HIVEP2: variants seen among roughly 807,000 people sequenced by gnomAD.
The protein encoded by HIVEP2 is transcription factor HIVEP2.
HIVEP2 carries 14 observed loss-of-function variants against 180.7 expected under a neutral mutation model. That is an observed-to-expected ratio of 0.08 (90% CI 0.05 to 0.12). The LOEUF (loss-of-function observed/expected upper bound fraction) is 0.12, where lower values mean the gene tolerates loss of function less well. Ranked by LOEUF, HIVEP2 falls within the 10% of genes least tolerant of loss-of-function variation. The probability of loss-of-function intolerance (pLI) is 1.00; values close to 1 mark genes in which losing one functional copy is unlikely to be tolerated. For missense variants in HIVEP2, 2,579 were observed against 3,008.5 expected, an observed-to-expected ratio of 0.86 and a Z score of 3.34; for synonymous variants, 1,184 against 1,136.4, an observed-to-expected ratio of 1.04 and a Z score of -0.84.
In HIVEP2 at chr6:142,760,540, T is replaced by TTCA. The variant is rs749252608; in HGVS notation, c.5745_5747dup (p.Asp1915dup). The TTCA allele has an allele frequency of 1.2e-5, 19 of 1,613,486 alleles. No homozygotes were observed. Among genetic ancestry groups the TTCA allele is most frequent in the Non-Finnish European group, 1.4e-5 (17 of 1,179,452 alleles). ...CCTGGTCGTCAAAGTCATCTTCATC[T>TTCA]TCATCATCATCATCATTATCATCTC... is the stretch of plus-strand genomic sequence containing the variant. On this transcript the variant is annotated inframe_insertion, in exon 9 of 10. Coordinates refer to ENST00000367603, the MANE Select transcript of HIVEP2 (RefSeq NM_006734.4).
At chr6:142,887,059 A>G (rs752780469) in intron 1 of HIVEP2, among the ~76,000 whole-genome samples, 114 of 152,200 alleles carry the variant, frequency 7.5e-4, no homozygotes, top group Admixed American at 1.1e-3. Flanking sequence ...CTAGTTGATC[A>G]TTGCTAAAGC....
chr6:142,901,126 ATTCTT>A (rs1186630204), intron 1 of HIVEP2, among the ~76,000 whole-genome samples: 1 of 152,178 alleles, frequency 6.6e-6, no homozygotes, highest in African/African-American at 2.4e-5. Flanking sequence ...TAGCAAACTG[ATTCTT>A]TTCTTTGTAA....
intron 1 of HIVEP2, among the ~76,000 whole-genome samples, chr6:142,858,589 A>C (rs1216680603): frequency 6.6e-6 from 1 of 151,694 alleles, no homozygotes; most frequent in Non-Finnish European, 1.5e-5. Context: ...TTTATTTTTT[A>C]ATTAAATAAA....
At chr6:142,851,202 C>G in intron 1 of HIVEP2, among the ~76,000 whole-genome samples, 1 of 152,170 alleles carries the variant, frequency 6.6e-6, no homozygotes, top group East Asian at 1.9e-4. Context: ...ATCAATAAGG[C>G]CTAGTAATAG....
chr6:142,822,291 C>G (rs113430393), intron 2 of HIVEP2, among the ~76,000 whole-genome samples: 1,613 of 152,240 alleles, frequency 0.011, 26 homozygotes, highest in African/African-American at 0.037. Context: ...ACAAAGGAAA[C>G]CAATTACCAT....
chr6:142,916,313 C>A (rs1435770090), intron 1 of HIVEP2, among the ~76,000 whole-genome samples: 3 of 152,224 alleles, frequency 2.0e-5, no homozygotes, highest in Middle Eastern at 3.2e-3. Flanking sequence ...ATCCCCATGT[C>A]TGAACAACTT....
chr6:142,845,397 T>C (rs1775482336), intron 1 of HIVEP2, among the ~76,000 whole-genome samples: 1 of 152,208 alleles, frequency 6.6e-6, no homozygotes, highest in Non-Finnish European at 1.5e-5. Flanking sequence ...AAGTTCTCTC[T>C]CCCTCCCTCT....
rs142250171 is a variant in HIVEP2, at chr6:142,799,217, C to T, written c.-527-15602G>A. On this transcript the variant is annotated intron_variant, in intron 2 of 9. Transcript: ENST00000367603. ...AATGTATTTCATAAACAAAACATTA[C>T]TACATAGAATATAAATGCCAAAATT... 3.0e-3 allele frequency among the ~76,000 whole-genome samples: 450 copies of T among 152,228 alleles called. 2 individuals are homozygous for T. The highest frequency in any genetic ancestry group is 0.01 in the African/African-American group (435 of 41,520).
intron 2 of HIVEP2, among the ~76,000 whole-genome samples, chr6:142,785,810 G>T (rs1775985015): frequency 1.3e-5 from 2 of 152,178 alleles, no homozygotes. Context: ...TGGTTCTGTT[G>T]CATCACTCAT....
chr6:142,831,016 C>T (rs1775065403), intron 2 of HIVEP2, among the ~76,000 whole-genome samples: 1 of 152,202 alleles, frequency 6.6e-6, no homozygotes, highest in Non-Finnish European at 1.5e-5. Context: ...AGGCAGGAGA[C>T]CAGCAAGTAC....
Position 142,774,827 on chromosome 6 carries a change from T to C in HIVEP2, c.-89A>G, listed in dbSNP as rs1562510642. 2 of 1,528,610 alleles carry C rather than the reference T, an allele frequency of 1.3e-6. No individual in the cohort carries two copies. Among genetic ancestry groups the C allele is most frequent in the South Asian group, 2.6e-5 (2 of 75,652 alleles). 94.7% of individuals were successfully genotyped at this position (1,528,610 alleles called of 1,614,324 possible). A position where few individuals can be genotyped will look rare whatever the true frequency, so the allele number is the denominator to read the frequency against. ...CAAAGCTGTGCTTCTTAAAGCTTGG[T>C]TGCTTCCATGTTCCAGGGTGTCTGC... On this transcript the variant is annotated 5_prime_UTR_variant, in exon 5 of 10. Coordinates refer to ENST00000367603, the MANE Select transcript of HIVEP2 (RefSeq NM_006734.4). The surrounding 1 kb of genome is among the most constrained non-coding windows in gnomAD (Gnocchi z 5.1).
At chr6:142,915,573 C>T (rs1777530584) in intron 1 of HIVEP2, among the ~76,000 whole-genome samples, 1 of 152,094 alleles carries the variant, frequency 6.6e-6, no homozygotes, top group Non-Finnish European at 1.5e-5. Context: ...TCACAGCAGC[C>T]CTGGCAAAAT....
Position 142,773,448 on chromosome 6 carries a change from G to A in HIVEP2, c.1291C>T (p.Arg431Trp), listed in dbSNP as rs775033088. 1.2e-5 allele frequency: 20 copies of A among 1,614,084 alleles called. No homozygotes were observed. Among genetic ancestry groups the A allele is most frequent in the Middle Eastern group, 1.6e-4 (1 of 6,084 alleles). ...CTGAGTGCATTTCTCGGACTAAGCC[G>A]ACAGTATTTTCCAAAGATGATTTCT... ...YEEIIFGKYC[R>W]LSPRNALSVT... The change falls in exon 5 of 10, where the codon CGG (arginine) becomes TGG (tryptophan). Residue 431 changes from arginine (R) to tryptophan (W), a missense_variant. By Grantham distance (101) the Arg-to-Trp change is moderately radical. Coordinates refer to ENST00000367603, the MANE Select transcript of HIVEP2 (RefSeq NM_006734.4).
chr6:142,777,034 C>A (rs773286235), intron 3 of HIVEP2, among the ~76,000 whole-genome samples: 1 of 151,992 alleles, frequency 6.6e-6, no homozygotes. Flanking sequence ...AATGAGGTAC[C>A]CAGAGGATTC....
intron 2 of HIVEP2, chr6:142,788,165 T>C (rs1318473063): frequency 6.6e-6 from 1 of 152,240 alleles, no homozygotes; most frequent in Non-Finnish European, 1.5e-5. Context: ...GGATTTCTGA[T>C]TATTCTATGA....
At chr6:142,870,828 C>T (rs570687513) in intron 1 of HIVEP2, among the ~76,000 whole-genome samples, 1 of 152,294 alleles carries the variant, frequency 6.6e-6, no homozygotes, top group African/African-American at 2.4e-5. Context: ...AGAGCCCACA[C>T]TCTTAACCCC....
chr6:142,845,038 A>G (rs921543973), intron 1 of HIVEP2, among the ~76,000 whole-genome samples: 2 of 152,222 alleles, frequency 1.3e-5, no homozygotes, highest in African/African-American at 4.8e-5. Context: ...CGCTGCATCT[A>G]CTGCAGAAAA....
intron 2 of HIVEP2, among the ~76,000 whole-genome samples, chr6:142,784,548 C>T (rs144058152): frequency 1.3e-5 from 2 of 152,262 alleles, no homozygotes; most frequent in Non-Finnish European, 2.9e-5. Context: ...TAGGCCCACT[C>T]GGTTCCTCAA....
chr6:142,760,676 A>G lies in HIVEP2; in HGVS notation c.5621-9T>C, dbSNP rs757024038. 21 of 1,577,194 alleles carry G rather than the reference A, an allele frequency of 1.3e-5. No individual in the cohort carries two copies. In the South Asian group the frequency reaches 2.4e-4, roughly 18 times the overall value. On this transcript the variant is annotated splice_polypyrimidine_tract_variant and intron_variant, in intron 8 of 9. Transcript: ENST00000367603. The stretch of plus-strand genomic sequence containing the variant: ...CAAATCTTCCAAATTTTCTGAAACA[A>G]TTAAACAAAGATAATGGAGATCAAG...
Sources: gnomAD v4.1 joint callset for allele counts (sites outside exome capture counted in the v4.1 genomes callset) on GRCh38, gnomAD v4.1.1 for gene constraint, Gnocchi (gnomAD v3.1) non-coding constraint, MANE v1.5 for transcripts, NCBI Gene and HGNC (gene_info 2026-07-23, HGNC 2026-07-21) for gene names.